GNAL: variants seen among roughly 807,000 people sequenced by gnomAD.
GNAL encodes the protein guanine nucleotide-binding protein G(olf) subunit alpha.
In GNAL, 18 loss-of-function variants were observed where a neutral mutation model predicts 55.1. The observed-to-expected ratio is 0.33, with a 90% CI of 0.23 to 0.48. The LOEUF (loss-of-function observed/expected upper bound fraction) is 0.48. Ranked by LOEUF, GNAL falls within the 20% of genes least tolerant of loss-of-function variation. GNAL has a pLI of 0.99. For missense variants in GNAL, 412 were observed against 614.1 expected, an observed-to-expected ratio of 0.67 and a Z score of 3.48; for synonymous variants, 253 against 237.0, an observed-to-expected ratio of 1.07 and a Z score of -0.62.
rs1040535341 is a variant in GNAL at position 11,883,406 on chromosome 18, A to T, written c.*2271A>T. 1.3e-5 allele frequency: 2 copies of T among 153,324 alleles called. No individual in the cohort carries two copies. Among genetic ancestry groups the T allele is most frequent in the African/African-American group, 4.8e-5 (2 of 41,446 alleles). The allele number at this position is 153,324 out of a possible 1,614,324, so 9.5% of individuals were successfully genotyped here. ...CTCAACAATTACCCTCTAACTAAACATCCTGTTTAAGAGTTTAATTCAAAC... is the reference window on the plus strand; with the variant it reads ...CTCAACAATTACCCTCTAACTAAACTTCCTGTTTAAGAGTTTAATTCAAAC... On this transcript the variant is annotated 3_prime_UTR_variant, in exon 12 of 12. Coordinates refer to ENST00000334049, the MANE Select transcript of GNAL (RefSeq NM_182978.4).
At chr18:11,747,209 G>C (rs939325526) in intron 1 of GNAL, 2 of 387,186 alleles carry the variant, frequency 5.2e-6, no homozygotes, top group African/African-American at 4.2e-5. Context: ...CACCAGAAAT[G>C]AGAACTCCAA....
chr18:11,758,220 G>A (rs182714336), intron 4 of GNAL, among the ~76,000 whole-genome samples: 63 of 152,320 alleles, frequency 4.1e-4, no homozygotes, highest in Admixed American at 7.8e-4. Context: ...AGGTGCAGAC[G>A]CAGGTATGTT....
chr18:11,849,203 T>C (rs2035800198), intron 5 of GNAL, among the ~76,000 whole-genome samples: 1 of 152,208 alleles, frequency 6.6e-6, no homozygotes. Flanking sequence ...TCAGAATTTG[T>C]CATTAAGAAA....
intron 6 of GNAL, among the ~76,000 whole-genome samples, chr18:11,863,519 G>C (rs1209149361): frequency 2.0e-5 from 3 of 152,200 alleles, no homozygotes; most frequent in African/African-American, 4.8e-5. Context: ...TCCTCGTCTT[G>C]AGTCAGTCCC....
intron 2 of GNAL, among the ~76,000 whole-genome samples, 153 bp downstream of exon 2, chr18:11,753,078 A>G (rs1046601873): frequency 5.9e-5 from 9 of 152,190 alleles, no homozygotes; most frequent in Middle Eastern, 3.4e-3. Flanking sequence ...TGGATTTGGT[A>G]TATTTAGGCA....
intron 4 of GNAL, among the ~76,000 whole-genome samples, chr18:11,785,641 A>G (rs977313935): frequency 1.3e-5 from 2 of 152,206 alleles, no homozygotes; most frequent in Admixed American, 1.3e-4. Context: ...TCTTAGGGAA[A>G]AGAAATCAGT....
At position 11,872,382 on chromosome 18, in the gene GNAL, T is replaced by C; in HGVS notation, c.1146T>C (p.Tyr382=). The C allele has an allele frequency of 6.4e-7, 1 of 1,556,640 alleles. No homozygotes were observed. ...IEDYFPEYAN[Y]TVPEDATPDA... ...ACTATTTCCCAGAATATGCAAATTA[T>C]ACTGTTCCTGAAGACGGTAAGATTT... is the stretch of plus-strand genomic sequence containing the variant. Residue 382 remains tyrosine (Y), a synonymous_variant, in exon 10 of 12, where the codon TAT becomes TAC. Transcript: ENST00000334049.
chr18:11,701,354 G>A (rs904434478), intron 1 of GNAL, among the ~76,000 whole-genome samples: 1 of 152,050 alleles, frequency 6.6e-6, no homozygotes, highest in Non-Finnish European at 1.5e-5. Context: ...ACTTTGAGAG[G>A]CCGAGGCGGG....
At chr18:11,846,399 AT>A (rs200101460) in intron 5 of GNAL, among the ~76,000 whole-genome samples, 5,230 of 147,830 alleles carry the variant, frequency 0.035, 106 homozygotes, top group Middle Eastern at 0.05. Flanking sequence ...AATCGACATC[AT>A]TTTTTTATAT....
Position 11,751,738 on chromosome 18 carries a change from G to C in GNAL, c.377-1115G>C. On this transcript the variant is annotated intron_variant, in intron 1 of 11. Transcript: ENST00000334049. This position sits in a 1 kb window ranked among gnomAD's most constrained non-coding sequence, Gnocchi z 4.5. ...GCCCCAGCCGGCCGGGCTCCGTGGG[G>C]GGTCAGCTCCCTGACCCCTACAGCG... is the stretch of plus-strand genomic sequence containing the variant. 1 of 843,464 alleles carries C rather than the reference G, an allele frequency of 1.2e-6. No homozygotes were observed. The highest frequency in any genetic ancestry group is 1.4e-6 in the Non-Finnish European group (1 of 700,034). 52.2% of individuals were successfully genotyped at this position (843,464 alleles called of 1,614,324 possible).
chr18:11,845,554 C>G (rs548911407), intron 5 of GNAL, among the ~76,000 whole-genome samples: 2 of 152,198 alleles, frequency 1.3e-5, no homozygotes, highest in Middle Eastern at 3.4e-3. Flanking sequence ...TGGTTCCCTG[C>G]CATATTGCTT....
rs753270479 is a variant in GNAL, at chr18:11,885,335, A to G, written c.*4200A>G. The G allele has an allele frequency of 1.3e-5, 4 of 296,350 alleles. No individual in the cohort carries two copies. The highest frequency in any genetic ancestry group is 2.6e-5 in the Non-Finnish European group (4 of 155,368). 18.4% of individuals were successfully genotyped at this position (296,350 alleles called of 1,614,324 possible). Reference sequence around the variant, plus strand: ...CAAATGGGCATGTTTAGAAAATAAGAGAAGATGGCTGAGTATAGCTAATGA... The same window carrying G: ...CAAATGGGCATGTTTAGAAAATAAGGGAAGATGGCTGAGTATAGCTAATGA... On this transcript the variant is annotated 3_prime_UTR_variant, in exon 12 of 12. Transcript: ENST00000334049.
rs557785588 is a variant in GNAL at position 11,865,200 on chromosome 18, G to T, written c.851+594G>T. On this transcript the variant is annotated intron_variant, in intron 7 of 11. Coordinates refer to ENST00000334049, the MANE Select transcript of GNAL (RefSeq NM_182978.4). The stretch of plus-strand genomic sequence containing the variant: ...CACGAAATGAATCTTCCTACGGCAC[G>T]GCCTGGATCGTGCTGTTCCTCTGCT... Among the ~76,000 whole-genome samples the T allele has an allele frequency of 5.5e-4, 80 of 144,624 alleles. 1 individual carries two copies. The highest frequency in any genetic ancestry group is 9.8e-4 in the Non-Finnish European group (66 of 67,182). The allele number at this position is 144,624 out of a possible 152,430, so 94.9% of individuals were successfully genotyped here.
chr18:11,747,605 AGGATAGGGGTACTGGGGAT>A (rs879278808), intron 1 of GNAL: 8 of 139,748 alleles, frequency 5.7e-5, no homozygotes, highest in African/African-American at 1.9e-4. Flanking sequence ...CTTGTTGTGA[AGGATAGGGGTACTGGGGAT>A]GGATAGGGGT....
Position 11,860,123 on chromosome 18 carries a change from A to G in GNAL, c.723-2272A>G, listed in dbSNP as rs566056070. Among the ~76,000 whole-genome samples the G allele has an allele frequency of 6.6e-5, 10 of 152,322 alleles. No individual in the cohort carries two copies. In the South Asian group the frequency reaches 2.1e-3, roughly 32 times the overall value. ...CCATAGCCTGTTTCCCTTGGCTTCC[A>G]GGGAAATGACTCATTCATGACAGTT... is the stretch of plus-strand genomic sequence containing the variant. On this transcript the variant is annotated intron_variant, in intron 5 of 11. Coordinates refer to ENST00000334049, the MANE Select transcript of GNAL (RefSeq NM_182978.4).
intron 5 of GNAL, among the ~76,000 whole-genome samples, chr18:11,836,857 G>A (rs1037614944): frequency 3.3e-5 from 5 of 152,202 alleles, no homozygotes; most frequent in African/African-American, 1.2e-4. Flanking sequence ...GAAGGAGATT[G>A]CCTCAGGGAC....
At chr18:11,694,951 C>T (rs1175632090) in intron 1 of GNAL, among the ~76,000 whole-genome samples, 2 of 152,142 alleles carry the variant, frequency 1.3e-5, no homozygotes. Flanking sequence ...GGTGTCTCTT[C>T]CTCTTCTTAC....
Position 11,881,262 on chromosome 18 carries a change from C to A in GNAL, c.*127C>A. 3.2e-6 allele frequency: 3 copies of A among 944,344 alleles called. No homozygotes were observed. The highest frequency in any genetic ancestry group is 4.6e-6 in the Non-Finnish European group (3 of 648,208). 58.5% of individuals were successfully genotyped at this position (944,344 alleles called of 1,614,324 possible). On this transcript the variant is annotated 3_prime_UTR_variant, in exon 12 of 12. Coordinates refer to ENST00000334049, the MANE Select transcript of GNAL (RefSeq NM_182978.4). This position sits in a 1 kb window ranked among gnomAD's most constrained non-coding sequence, Gnocchi z 4.8. Reference sequence around the variant, plus strand: ...GTCTGTCCCGTTCTGTGTCGACCACCAAGCCTCTGGCTACCTCTGTCCCCT... The same window carrying A: ...GTCTGTCCCGTTCTGTGTCGACCACAAAGCCTCTGGCTACCTCTGTCCCCT...
intron 9 of GNAL, among the ~76,000 whole-genome samples, chr18:11,869,145 TA>T (rs756194339): frequency 5.8e-5 from 8 of 137,072 alleles, no homozygotes; most frequent in South Asian, 2.3e-4. Flanking sequence ...TTTTTTTTAT[TA>T]TTTTTTTTTT....
Sources: gnomAD v4.1 joint callset for allele counts (sites outside exome capture counted in the v4.1 genomes callset) on GRCh38, gnomAD v4.1.1 for gene constraint, Gnocchi (gnomAD v3.1) non-coding constraint, MANE v1.5 for transcripts, NCBI Gene and HGNC (gene_info 2026-07-23, HGNC 2026-07-21) for gene names.